PAK5: variants seen among roughly 807,000 people sequenced by gnomAD.
The protein encoded by PAK5 is p21 (RAC1) activated kinase 5, also known as serine/threonine-protein kinase PAK 5.
In PAK5, 16 loss-of-function variants were observed where a neutral mutation model predicts 65.9. That is an observed-to-expected ratio of 0.24 (90% CI 0.16 to 0.37). The LOEUF is 0.37. PAK5 is among the 10% of genes least tolerant of loss of function. The pLI is 1.00. For missense variants in PAK5, 785 were observed against 903.9 expected (o/e 0.87, Z 1.69); for synonymous variants, 371 against 354.9 (o/e 1.05, Z -0.51).
chr20:9,742,469 A>G (rs1435931398), intron 1 of PAK5, among the ~76,000 whole-genome samples: 1 of 152,190 alleles, frequency 6.6e-6, no homozygotes, highest in Admixed American at 6.5e-5. Flanking sequence ...TAAATATCCT[A>G]TAAATAAATT....
Position 9,548,422 on chromosome 20 carries a change from C to T in PAK5, c.1744-3928G>A, listed in dbSNP as rs534101756. Among the ~76,000 whole-genome samples, 10 of 151,876 alleles carry T rather than the reference C, an allele frequency of 6.6e-5. No homozygotes were observed. The East Asian group carries it at 1.8e-3, about 27-fold the overall frequency. On this transcript the variant is annotated intron_variant, in intron 7 of 9. Coordinates refer to ENST00000353224, the MANE Select transcript of PAK5 (RefSeq NM_177990.4). ...CTTTAAGTTTTAGGGTACATGTGCA[C>T]AATGTGCAGGTTAGTTACATATGTA...
At chr20:9,728,523 G>A (rs2048301069) in intron 1 of PAK5, among the ~76,000 whole-genome samples, 1 of 151,880 alleles carries the variant, frequency 6.6e-6, no homozygotes. Flanking sequence ...CCAAATTGAG[G>A]GATATTTTAC....
intron 1 of PAK5, among the ~76,000 whole-genome samples, chr20:9,785,652 G>C (rs2048984577): frequency 6.6e-6 from 1 of 152,120 alleles, no homozygotes; most frequent in Non-Finnish European, 1.5e-5. Flanking sequence ...TACCATCTTA[G>C]AGGGGAAAAA....
chr20:9,709,409 C>A (rs2123483017), intron 2 of PAK5, among the ~76,000 whole-genome samples: 1 of 152,300 alleles, frequency 6.6e-6, no homozygotes, highest in Middle Eastern at 3.4e-3. Context: ...ACCCCACCAG[C>A]ATCCTGTACC....
intron 2 of PAK5, among the ~76,000 whole-genome samples, chr20:9,695,853 AAACCAACCCTCAGCAT>A (rs138608735): frequency 0.04 from 6,037 of 152,150 alleles, 227 homozygotes; most frequent in East Asian, 0.17. Context: ...AGTTCTATAA[AAACCAACCCTCAGCAT>A]ATACATGTTT....
intron 1 of PAK5, among the ~76,000 whole-genome samples, chr20:9,765,259 A>C (rs2048744330): frequency 6.6e-6 from 1 of 152,286 alleles, no homozygotes; most frequent in East Asian, 1.9e-4. Flanking sequence ...CCACAGTATA[A>C]ATCTAGCCTA....
chr20:9,610,416 G>T (rs772346648), intron 3 of PAK5, among the ~76,000 whole-genome samples: 8 of 152,326 alleles, frequency 5.3e-5, no homozygotes, highest in Non-Finnish European at 8.8e-5. Context: ...AAACAAAACT[G>T]CTGGGCATGG....
At chr20:9,812,006 T>C (rs1569098001) in intron 1 of PAK5, among the ~76,000 whole-genome samples, 1 of 152,204 alleles carries the variant, frequency 6.6e-6, no homozygotes, top group Non-Finnish European at 1.5e-5. Context: ...AGTTGTGTAA[T>C]GTATATTGAT....
intron 1 of PAK5, among the ~76,000 whole-genome samples, chr20:9,776,698 T>C (rs1273737056): frequency 6.6e-6 from 1 of 152,126 alleles, no homozygotes; most frequent in Non-Finnish European, 1.5e-5. Context: ...TGAGACCTCC[T>C]GTCAAGACCC....
chr20:9,817,807 C>T (rs915214051), intron 1 of PAK5, among the ~76,000 whole-genome samples: 1 of 152,156 alleles, frequency 6.6e-6, no homozygotes, highest in African/African-American at 2.4e-5. Context: ...ACTGCCTTTG[C>T]ACACACTCTA....
At chr20:9,575,796 T>G (rs1005653386) in intron 4 of PAK5, 3 of 152,228 alleles carry the variant, frequency 2.0e-5, no homozygotes, top group Non-Finnish European at 4.4e-5. Flanking sequence ...TGTCCACCTT[T>G]CTGCCCCTGG....
chr20:9,566,496 T>A, intron 4 of PAK5, 112 bp from the exon 5 acceptor site: 4 of 1,058,750 alleles, frequency 3.8e-6, no homozygotes, highest in South Asian at 2.9e-5. Flanking sequence ...CAGTGGGAGA[T>A]GAGAGGATCT....
intron 3 of PAK5, among the ~76,000 whole-genome samples, chr20:9,641,802 T>C (rs866343675): frequency 8.7e-4 from 133 of 152,196 alleles, no homozygotes; most frequent in South Asian, 4.8e-3. Context: ...GCTGGGGGAC[T>C]CAGTACACCC....
chr20:9,772,965 G>A (rs1463323229), intron 1 of PAK5, among the ~76,000 whole-genome samples: 1 of 152,158 alleles, frequency 6.6e-6, no homozygotes, highest in Non-Finnish European at 1.5e-5. Context: ...CTCCTTGAAG[G>A]TTTTCAGGAG....
intron 2 of PAK5, among the ~76,000 whole-genome samples, chr20:9,665,561 T>C (rs1285375139): frequency 2.0e-5 from 3 of 152,032 alleles, no homozygotes; most frequent in African/African-American, 7.2e-5. Flanking sequence ...CAGATCACTG[T>C]AGTCTCAGTC....
At chr20:9,816,373 TC>T (rs1173964506) in intron 1 of PAK5, among the ~76,000 whole-genome samples, 4 of 152,206 alleles carry the variant, frequency 2.6e-5, no homozygotes, top group Non-Finnish European at 4.4e-5. Context: ...CTTGACTGGA[TC>T]GCAGAATGCC....
chr20:9,693,651 T>C (rs2047828215), intron 2 of PAK5, among the ~76,000 whole-genome samples: 2 of 152,180 alleles, frequency 1.3e-5, no homozygotes, highest in Non-Finnish European at 2.9e-5. Flanking sequence ...TGTTACTGTA[T>C]CATAATCATA....
chr20:9,791,807 A>T (rs1377724546), intron 1 of PAK5, among the ~76,000 whole-genome samples: 2 of 152,174 alleles, frequency 1.3e-5, no homozygotes, highest in Non-Finnish European at 2.9e-5. Flanking sequence ...TAGAGGCAAC[A>T]GTCCCAGGGA....
chr20:9,702,199 G>A (rs567875711), intron 2 of PAK5, among the ~76,000 whole-genome samples: 34 of 152,220 alleles, frequency 2.2e-4, no homozygotes, highest in African/African-American at 7.9e-4. Flanking sequence ...TAAAGACAAA[G>A]CCTAGGCCCT....
Sources: allele counts gnomAD v4.1 joint callset (sites outside exome capture counted in the v4.1 genomes callset), GRCh38; gene constraint gnomAD v4.1.1; transcripts MANE v1.5; gene names NCBI Gene and HGNC (gene_info 2026-07-23, HGNC 2026-07-21).